The following LYN variants were observed in gnomAD, a reference collection of about 807,000 sequenced individuals.
The protein encoded by LYN is LYN proto-oncogene, Src family tyrosine kinase.
A neutral mutation model predicts 65.0 loss-of-function variants in LYN; 12 were observed. The ratio of observed to expected loss-of-function variants is 0.18; its 90% CI spans 0.12 to 0.30. The LOEUF is 0.30. LYN is among the 10% of genes least tolerant of loss of function. The pLI, the probability that LYN is intolerant of heterozygous loss-of-function variation, is 1.00. For missense variants in LYN, 380 were observed against 623.2 expected, an observed-to-expected ratio of 0.61 and a Z score of 4.16; for synonymous variants, 222 against 221.2, an observed-to-expected ratio of 1.00 and a Z score of -0.03.
chr8:55,963,365 T>C (rs892620867), intron 8 of LYN, among the ~76,000 whole-genome samples: 1 of 152,174 alleles, frequency 6.6e-6, no homozygotes, highest in African/African-American at 2.4e-5. Context: ...CTTTCCTGAC[T>C]AGCAGAGCTG....
chr8:55,981,268 G>A (rs142941974), intron 10 of LYN, among the ~76,000 whole-genome samples: 28 of 152,144 alleles, frequency 1.8e-4, no homozygotes, highest in African/African-American at 5.3e-4. Flanking sequence ...CCTCAGTCTC[G>A]GTCCCCGCCC....
intron 10 of LYN, among the ~76,000 whole-genome samples, chr8:55,974,104 A>G (rs2719231): frequency 0.45 from 69,138 of 152,042 alleles, 16,333 homozygotes; most frequent in Middle Eastern, 0.54. Context: ...ATAACGAGGT[A>G]AACTTGGACT....
intron 6 of LYN, 56 bp downstream of exon 6, chr8:55,950,840 A>T (rs1402027393): frequency 7.7e-7 from 1 of 1,292,164 alleles, no homozygotes; most frequent in Admixed American, 1.7e-5. Context: ...TATTTTTAGA[A>T]ACTATTCTAG....
At chr8:55,896,271 T>C (rs1204535803) in intron 1 of LYN, among the ~76,000 whole-genome samples, 1 of 150,244 alleles carries the variant, frequency 6.7e-6, no homozygotes, top group Non-Finnish European at 1.5e-5. Context: ...CTCTCATCTC[T>C]GAAAAAAAAA....
At chr8:55,958,774 C>T (rs983198505) in intron 8 of LYN, among the ~76,000 whole-genome samples, 2 of 152,184 alleles carry the variant, frequency 1.3e-5, no homozygotes, top group Admixed American at 6.5e-5. Flanking sequence ...TTATCTATGT[C>T]GTAGCATGTG....
In LYN at chr8:55,950,748, G is replaced by A; in HGVS notation, c.451G>A (p.Gly151Arg). 1 of 1,613,838 alleles carries A rather than the reference G, an allele frequency of 6.2e-7. No individual in the cohort carries two copies. The highest frequency in any genetic ancestry group is 8.5e-7 in the Non-Finnish European group (1 of 1,179,760). The change falls in exon 6 of 13, where the codon GGA becomes AGA. Residue 151 changes from glycine (G) to arginine (R), a missense_variant. Gly to Arg is a moderately radical substitution (Grantham distance 125). This residue lies in a region of LYN where 157 missense variants were observed against 193.2 expected (regional missense o/e 0.81). Coordinates refer to ENST00000519728, the MANE Select transcript of LYN (RefSeq NM_002350.4). ...GCTTTTGGCACCAGGAAATAGCGCTGGAGCTTTCCTTATTAGAGAAAGTGA... is the reference window on the plus strand; with the variant it reads ...GCTTTTGGCACCAGGAAATAGCGCTAGAGCTTTCCTTATTAGAGAAAGTGA... The part of the protein sequence containing the change: ...RQLLAPGNSA[G>R]AFLIRESETL...
rs74448907 is a variant in LYN, at chr8:55,967,263, C to T, written c.973+366C>T. On this transcript the variant is annotated intron_variant, in intron 9 of 12. Coordinates refer to ENST00000519728, the MANE Select transcript of LYN (RefSeq NM_002350.4). ...GTGAAGAGTTCCCAGAATTCTAATA[C>T]TACAGATTTAGTACGGATTGTTCAG... Among the ~76,000 whole-genome samples the T allele has an allele frequency of 2.1e-3, 316 of 149,012 alleles. 4 individuals carry two copies. In the East Asian group the frequency reaches 0.053, roughly 25 times the overall value.
At chr8:55,880,568 A>G (rs1347396545) in intron 1 of LYN, among the ~76,000 whole-genome samples, 1 of 152,086 alleles carries the variant, frequency 6.6e-6, no homozygotes, top group Non-Finnish European at 1.5e-5. Flanking sequence ...TCCCCTCTGG[A>G]CCCTGGGTCT....
At chr8:55,955,120 G>C (rs965776045) in intron 8 of LYN, 1 of 152,228 alleles carries the variant, frequency 6.6e-6, no homozygotes. Context: ...CGGCAGAACA[G>C]AAGCTGCAGC....
intron 10 of LYN, among the ~76,000 whole-genome samples, chr8:55,978,401 C>A (rs982304167): frequency 3.3e-5 from 5 of 152,158 alleles, no homozygotes; most frequent in Admixed American, 3.3e-4. Context: ...ACCGCCATTG[C>A]GGGCACGGGG....
At chr8:55,994,303 A>G (rs1169396954) in intron 10 of LYN, among the ~76,000 whole-genome samples, 9 of 152,224 alleles carry the variant, frequency 5.9e-5, no homozygotes, top group Admixed American at 5.9e-4. Flanking sequence ...TATTTATTCA[A>G]CTTGGCTAAT....
intron 1 of LYN, among the ~76,000 whole-genome samples, chr8:55,882,429 T>G (rs1295105044): frequency 6.6e-6 from 1 of 152,082 alleles, no homozygotes; most frequent in African/African-American, 2.4e-5. Context: ...CTATGTGGAG[T>G]TGTAACTTAA....
chr8:55,965,410 G>A (rs567758233), intron 8 of LYN, among the ~76,000 whole-genome samples: 5 of 152,232 alleles, frequency 3.3e-5, no homozygotes, highest in Admixed American at 6.5e-5. Context: ...TTTAGTGGGG[G>A]ATCCTTTTTC....
chr8:55,968,247 C>T (rs1238526236), intron 9 of LYN, among the ~76,000 whole-genome samples: 1 of 151,922 alleles, frequency 6.6e-6, no homozygotes. Context: ...GTAACAATGC[C>T]TAATATATAT....
chr8:55,944,180 T>G (rs1806708469), intron 2 of LYN, among the ~76,000 whole-genome samples: 1 of 152,178 alleles, frequency 6.6e-6, no homozygotes, highest in Non-Finnish European at 1.5e-5. Flanking sequence ...TAATTTTATA[T>G]ATAGAAAATA....
intron 1 of LYN, among the ~76,000 whole-genome samples, chr8:55,935,144 A>C (rs149605729): frequency 6.6e-6 from 1 of 152,174 alleles, no homozygotes; most frequent in Admixed American, 6.5e-5. Context: ...GCCCCCAAAC[A>C]CTGTTCCTAT....
At chr8:55,990,454 T>C (rs67769144) in intron 10 of LYN, among the ~76,000 whole-genome samples, 23,788 of 152,044 alleles carry the variant, frequency 0.16, 2,297 homozygotes, top group Middle Eastern at 0.24. Context: ...GTCAGTTAAA[T>C]CTCTCCTGGA....
At chr8:55,929,284 C>T (rs577104162) in intron 1 of LYN, among the ~76,000 whole-genome samples, 4 of 152,160 alleles carry the variant, frequency 2.6e-5, no homozygotes, top group Non-Finnish European at 4.4e-5. Context: ...ATCTTTACTG[C>T]GTGAGATTAG....
At position 55,911,102 on chromosome 8, in the gene LYN, T is replaced by TATAC. The variant is rs373111685; in HGVS notation, c.-5-30752_-5-30751insTACA. 3.6e-3 allele frequency among the ~76,000 whole-genome samples: 105 copies of TATAC among 28,834 alleles called. 10 individuals are homozygous for TATAC. Among genetic ancestry groups the TATAC allele is most frequent in the Non-Finnish European group, 4.4e-3 (69 of 15,860 alleles). 18.9% of individuals were successfully genotyped at this position (28,834 alleles called of 152,430 possible). A position where few individuals can be genotyped will look rare whatever the true frequency, so the allele number is the denominator to read the frequency against. ...ACATACATATATATATATATATACA[T>TATAC]ACACGTATATATACGTATATATATA... On this transcript the variant is annotated intron_variant, in intron 1 of 12. Transcript: ENST00000519728.
Sources: allele counts gnomAD v4.1 joint callset (sites outside exome capture counted in the v4.1 genomes callset), GRCh38; gene constraint gnomAD v4.1.1; regional missense constraint gnomAD v4.1.1; transcripts MANE v1.5; gene names NCBI Gene and HGNC (gene_info 2026-07-23, HGNC 2026-07-21).